Variants in SGMS1 observed in about 807,000 individuals in gnomAD.
SGMS1 encodes phosphatidylcholine:ceramide cholinephosphotransferase 1.
SGMS1 carries 13 observed loss-of-function variants against 46.2 expected under a neutral mutation model. The observed-to-expected ratio is 0.28, with a 90% CI of 0.18 to 0.45. SGMS1 has a LOEUF of 0.45. Ranked by LOEUF, SGMS1 falls within the 20% of genes least tolerant of loss-of-function variation. The pLI, the probability that SGMS1 is intolerant of heterozygous loss-of-function variation, is 1.00. For synonymous variants in SGMS1, 203 were observed against 187.8 expected, an observed-to-expected ratio of 1.08 and a Z score of -0.66; for missense variants, 324 against 519.9, an observed-to-expected ratio of 0.62 and a Z score of 3.66.
chr10:50,467,959 T>G (rs1837345401), intron 3 of SGMS1, among the ~76,000 whole-genome samples: 1 of 152,166 alleles, frequency 6.6e-6, no homozygotes, highest in East Asian at 1.9e-4. Context: ...GCCTTCCTGT[T>G]GTCCAGGAGG....
intron 6 of SGMS1, among the ~76,000 whole-genome samples, chr10:50,372,968 T>G (rs979404990): frequency 6.6e-6 from 1 of 152,194 alleles, no homozygotes; most frequent in African/African-American, 2.4e-5. Context: ...TTCAAAACAT[T>G]ATTTCACATT....
rs563775766 is a variant in SGMS1 at position 50,596,585 on chromosome 10, T to C, written c.-683-6338A>G. On this transcript the variant is annotated intron_variant, in intron 1 of 10. Transcript: ENST00000361781. ...TATGATATCATTTTTTACATAAACA[T>C]TGGAGCTGGAATGGACTCAAAGTAA... Among the ~76,000 whole-genome samples the C allele has an allele frequency of 3.9e-5, 6 of 152,304 alleles. No homozygotes were observed. In the East Asian group the frequency reaches 1.2e-3, roughly 29 times the overall value.
chr10:50,409,020 A>G (rs1419938378), intron 6 of SGMS1, among the ~76,000 whole-genome samples: 2 of 152,236 alleles, frequency 1.3e-5, no homozygotes, highest in South Asian at 2.1e-4. Context: ...CATTTTATTC[A>G]TATAGATTAG....
intron 3 of SGMS1, among the ~76,000 whole-genome samples, chr10:50,509,726 A>C (rs2064759): frequency 2.0e-5 from 3 of 152,088 alleles, no homozygotes; most frequent in African/African-American, 7.2e-5. Flanking sequence ...CCCAATTAGA[A>C]GCCAGAGTAC....
intron 5 of SGMS1, among the ~76,000 whole-genome samples, chr10:50,449,667 A>G (rs535299690): frequency 2.2e-4 from 33 of 150,674 alleles, no homozygotes; most frequent in African/African-American, 7.5e-4. Flanking sequence ...GTGTGTGTAC[A>G]CACATGCCCC....
rs182883915 is a variant in SGMS1 at position 50,520,257 on chromosome 10, G to A, written c.-588-336C>T. Among the ~76,000 whole-genome samples, 1,177 of 152,178 alleles carry A rather than the reference G, an allele frequency of 7.7e-3. 11 individuals are homozygous for A. The highest frequency in any genetic ancestry group is 0.028 in the Admixed American group (426 of 15,280). On this transcript the variant is annotated intron_variant, in intron 2 of 10. Coordinates refer to ENST00000361781, the MANE Select transcript of SGMS1 (RefSeq NM_147156.4). Reference sequence around the variant, plus strand: ...ATTTTTAAAATAGCCAGATATGGTGGTATTTACCTGTGGTACCAGCTACTC... The same window carrying A: ...ATTTTTAAAATAGCCAGATATGGTGATATTTACCTGTGGTACCAGCTACTC...
chr10:50,362,989 T>G (rs1472318648), intron 6 of SGMS1, among the ~76,000 whole-genome samples: 1 of 152,188 alleles, frequency 6.6e-6, no homozygotes, highest in Non-Finnish European at 1.5e-5. Flanking sequence ...TGACAAATTT[T>G]GTCAAGCCCC....
At chr10:50,360,167 T>C (rs1193750223) in intron 6 of SGMS1, among the ~76,000 whole-genome samples, 1 of 152,228 alleles carries the variant, frequency 6.6e-6, no homozygotes, top group South Asian at 2.1e-4. Flanking sequence ...GCTTTCTGTG[T>C]ATAATTATGT....
At position 50,307,466 on chromosome 10, in the gene SGMS1, C is replaced by T. The variant is rs927533691; in HGVS notation, c.1063-145G>A. 4 of 650,282 alleles carry T rather than the reference C, an allele frequency of 6.2e-6. No individual in the cohort carries two copies. The highest frequency in any genetic ancestry group is 8.3e-4 in the Middle Eastern group (2 of 2,410). The allele number at this position is 650,282 out of a possible 1,614,324, so 40.3% of individuals were successfully genotyped here. On this transcript the variant is annotated intron_variant, in intron 10 of 10. Transcript: ENST00000361781. This position sits in a 1 kb window ranked among gnomAD's most constrained non-coding sequence, Gnocchi z 4.2. ...CCAGCTTCTCTCTCTCATCACCATT[C>T]TACACTCCACATTCATCTACAAACT...
At chr10:50,539,851 A>C (rs1384061129) in intron 2 of SGMS1, among the ~76,000 whole-genome samples, 1 of 152,238 alleles carries the variant, frequency 6.6e-6, no homozygotes, top group African/African-American at 2.4e-5. Context: ...TATGAAAGAA[A>C]ATTAGAGTCC....
chr10:50,610,057 G>A (rs139778930), intron 1 of SGMS1, among the ~76,000 whole-genome samples: 2 of 152,250 alleles, frequency 1.3e-5, no homozygotes, highest in Non-Finnish European at 2.9e-5. Context: ...GTGGAAGACA[G>A]AAACACATTG....
chr10:50,558,658 AT>A (rs2133842074), intron 2 of SGMS1, among the ~76,000 whole-genome samples: 2 of 152,024 alleles, frequency 1.3e-5, no homozygotes, highest in South Asian at 4.2e-4. Context: ...TTATACACAG[AT>A]TTTCTTCTGC....
intron 6 of SGMS1, among the ~76,000 whole-genome samples, chr10:50,352,044 C>T (rs769414595): frequency 5.3e-5 from 8 of 152,210 alleles, no homozygotes; most frequent in African/African-American, 7.2e-5. Context: ...AGAGAGCCTT[C>T]GAAATTTCAA....
intron 3 of SGMS1, among the ~76,000 whole-genome samples, chr10:50,496,017 A>G (rs1334565715): frequency 1.3e-5 from 2 of 152,158 alleles, no homozygotes; most frequent in African/African-American, 4.8e-5. Context: ...TAAAAATAAA[A>G]CAGCAGACAC....
At chr10:50,356,741 A>C (rs2133400583) in intron 6 of SGMS1, among the ~76,000 whole-genome samples, 1 of 152,226 alleles carries the variant, frequency 6.6e-6, no homozygotes, top group East Asian at 1.9e-4. Flanking sequence ...TAAAAAAATA[A>C]AAAATGATGA....
chr10:50,436,793 C>T (rs1849478800), intron 5 of SGMS1, among the ~76,000 whole-genome samples: 1 of 115,604 alleles, frequency 8.7e-6, no homozygotes, highest in Non-Finnish European at 2.0e-5. Context: ...GGGAAAAGTT[C>T]CTGTGGCCAT....
intron 6 of SGMS1, among the ~76,000 whole-genome samples, chr10:50,387,970 G>T (rs1335022351): frequency 1.3e-5 from 2 of 152,204 alleles, no homozygotes; most frequent in Non-Finnish European, 2.9e-5. Context: ...ACAAGAGTAG[G>T]TTACAGTCTG....
chr10:50,601,285 C>A (rs1287300966), intron 1 of SGMS1, among the ~76,000 whole-genome samples: 1 of 152,196 alleles, frequency 6.6e-6, no homozygotes, highest in Admixed American at 6.5e-5. Flanking sequence ...GACTTTTTCA[C>A]AAGATACAGG....
chr10:50,383,840 C>T (rs910031754), intron 6 of SGMS1, among the ~76,000 whole-genome samples: 1 of 152,114 alleles, frequency 6.6e-6, no homozygotes, highest in African/African-American at 2.4e-5. Flanking sequence ...GGCTTTGGCT[C>T]AGGGCTAGGG....
Sources: gnomAD v4.1 joint callset for allele counts (sites outside exome capture counted in the v4.1 genomes callset) on GRCh38, gnomAD v4.1.1 for gene constraint, Gnocchi (gnomAD v3.1) non-coding constraint, MANE v1.5 for transcripts, NCBI Gene and HGNC (gene_info 2026-07-23, HGNC 2026-07-21) for gene names.